The following USP22 variants were observed in gnomAD, a reference collection of about 807,000 sequenced individuals.
The protein encoded by USP22 is ubiquitin carboxyl-terminal hydrolase 22.
A neutral mutation model predicts 68.1 loss-of-function variants in USP22; 22 were observed. The ratio of observed to expected loss-of-function variants is 0.32; its 90% CI spans 0.23 to 0.46. The LOEUF (loss-of-function observed/expected upper bound fraction) is 0.46, where lower values mean the gene tolerates loss of function less well. USP22 is among the 20% of genes least tolerant of loss of function. The probability of loss-of-function intolerance (pLI) is 1.00; values close to 1 mark genes in which losing one functional copy is unlikely to be tolerated. For synonymous variants in USP22, 279 were observed against 274.2 expected, an observed-to-expected ratio of 1.02 and a Z score of -0.17; for missense variants, 433 against 695.8, an observed-to-expected ratio of 0.62 and a Z score of 4.25.
At chr17:21,019,722 A>G (rs1972130672) in intron 3 of USP22, among the ~76,000 whole-genome samples, 1 of 152,270 alleles carries the variant, frequency 6.6e-6, no homozygotes, top group Non-Finnish European at 1.5e-5. Flanking sequence ...CGCACACCCT[A>G]TGCGCTCAGA....
intron 3 of USP22, among the ~76,000 whole-genome samples, 155 bp from the exon 4 acceptor site, chr17:21,019,340 A>G (rs1453483747): frequency 2.0e-5 from 3 of 152,240 alleles, no homozygotes; most frequent in Non-Finnish European, 4.4e-5. Context: ...TACTGTGCTG[A>G]GAGGGGCTAC....
Position 21,042,665 on chromosome 17 carries a change from C to G in USP22, c.171G>C (p.Lys57Asn). The change falls in exon 1 of 13, where the codon AAG (lysine) becomes AAC (asparagine). Residue 57 changes from lysine to asparagine, a missense_variant and splice_region_variant. Coordinates refer to ENST00000261497, the MANE Select transcript of USP22 (RefSeq NM_015276.2). ...WSGTAEARKR[K>N]AKSCICHVCG... is the part of the protein sequence containing the mutation. ...CCGCGCGGTGGGCTGCCGGGCGCAC[C>G]TTGCGCTTGCGGGCCTCAGCCGTGC... 7.8e-7 allele frequency: 1 copy of G among 1,277,136 alleles called. No homozygotes were observed. The highest frequency in any genetic ancestry group is 9.9e-7 in the Non-Finnish European group (1 of 1,006,572). The allele number at this position is 1,277,136 out of a possible 1,614,324, so 79.1% of individuals were successfully genotyped here.
chr17:21,035,465 C>T (rs1449052565), intron 1 of USP22, among the ~76,000 whole-genome samples: 1 of 151,414 alleles, frequency 6.6e-6, no homozygotes, highest in African/African-American at 2.4e-5. Flanking sequence ...GTGCTAAATA[C>T]AGGAAAAGCC....
intron 12 of USP22, among the ~76,000 whole-genome samples, chr17:21,003,842 G>A (rs1313959017): frequency 6.6e-6 from 1 of 150,412 alleles, no homozygotes; most frequent in Non-Finnish European, 1.5e-5. Context: ...AGAGGGTGCA[G>A]TGAGCTGAGA....
At chr17:21,017,811 A>C in intron 5 of USP22, 131 bp downstream of exon 5, 1 of 1,157,818 alleles carries the variant, frequency 8.6e-7, no homozygotes, top group Non-Finnish European at 1.2e-6. Context: ...ATAGACATGT[A>C]TATTAAACAT....
At chr17:21,043,402 T>G (rs1011883291), upstream of USP22, 1 of 325,630 alleles carries the variant, frequency 3.1e-6, no homozygotes, top group Non-Finnish European at 5.5e-6. Context: ...AGACGTTCCC[T>G]GTCTCTTCCA....
chr17:21,014,644 C>T (rs141966157), intron 6 of USP22, among the ~76,000 whole-genome samples: 2 of 152,282 alleles, frequency 1.3e-5, no homozygotes, highest in East Asian at 3.9e-4. Flanking sequence ...ACGTAAGCGC[C>T]TAGGGCCCGG....
chr17:21,026,463 A>C, intron 2 of USP22, among the ~76,000 whole-genome samples: 1 of 151,996 alleles, frequency 6.6e-6, no homozygotes, highest in South Asian at 2.1e-4. Flanking sequence ...AGCTGGGACC[A>C]CAGGCACACA....
intron 1 of USP22, 85 bp from the exon 2 acceptor site, chr17:21,028,759 G>A (rs1567591692): frequency 1.5e-5 from 23 of 1,487,310 alleles, no homozygotes; most frequent in Middle Eastern, 1.8e-4. Context: ...GCATCCCCCC[G>A]AGACAGCTAC....
chr17:21,003,221 G>A (rs968784606), intron 12 of USP22, 148 bp from the exon 13 acceptor site: 2 of 890,052 alleles, frequency 2.2e-6, no homozygotes, highest in Non-Finnish European at 3.6e-6. Flanking sequence ...TAGTCCGCAA[G>A]GAGGAAAGAG....
At chr17:21,027,849 A>C (rs1199835301) in intron 2 of USP22, among the ~76,000 whole-genome samples, 2 of 152,110 alleles carry the variant, frequency 1.3e-5, no homozygotes, top group South Asian at 2.1e-4. Context: ...AGGCACCTGT[A>C]ATCTGTTACA....
Position 21,003,059 on chromosome 17 carries a change from T to C in USP22, c.1550A>G (p.Tyr517Cys). The change falls in exon 13 of 13, where the codon TAT (tyrosine) becomes TGT (cysteine). Residue 517 changes from tyrosine to cysteine, a missense_variant. By Grantham distance (194) the Tyr-to-Cys change is radical. Transcript: ENST00000261497. ...VLDSEGYLLF[Y>C]HKQFLEYE is the part of the protein sequence containing the mutation. ...CTCGTATTCCAGGAACTGTTTGTGA[T>C]AGAACAGCAAGTACCTGTGGAGGCA... 1.2e-6 allele frequency: 2 copies of C among 1,613,984 alleles called. No homozygotes were observed. The highest frequency in any genetic ancestry group is 1.7e-6 in the Non-Finnish European group (2 of 1,179,930).
intron 1 of USP22, among the ~76,000 whole-genome samples, chr17:21,039,707 CA>C: frequency 6.6e-6 from 1 of 152,280 alleles, no homozygotes; most frequent in Admixed American, 6.5e-5. Flanking sequence ...CCTTAGATAA[CA>C]AAACTCGTAA....
chr17:21,011,384 C>T lies in USP22; in HGVS notation c.945-75G>A, dbSNP rs1037638623. On this transcript the variant is annotated intron_variant, in intron 7 of 12. Transcript: ENST00000261497. ...TCCAGAGGCAACCCGGGGTGGAAGC[C>T]GTTCCCACATCCCTTCCCCGCTGTG... 5.3e-6 allele frequency: 8 copies of T among 1,522,770 alleles called. No individual in the cohort carries two copies. In the African/African-American group the frequency reaches 9.7e-5, roughly 18 times the overall value. 94.3% of individuals were successfully genotyped at this position (1,522,770 alleles called of 1,614,324 possible).
intron 8 of USP22, among the ~76,000 whole-genome samples, chr17:21,009,854 T>C (rs1213421179): frequency 1.3e-5 from 2 of 148,444 alleles, no homozygotes; most frequent in East Asian, 2.0e-4. Flanking sequence ...ACTCGGGAGG[T>C]TGAGGCCGGA....
intron 1 of USP22, among the ~76,000 whole-genome samples, chr17:21,032,701 G>A (rs1478283666): frequency 6.6e-6 from 1 of 152,122 alleles, no homozygotes; most frequent in Non-Finnish European, 1.5e-5. Flanking sequence ...CACTTTGGGA[G>A]GCCGAGGTGG....
At chr17:21,034,729 T>C (rs1284360483) in intron 1 of USP22, among the ~76,000 whole-genome samples, 1 of 152,192 alleles carries the variant, frequency 6.6e-6, no homozygotes, top group Admixed American at 6.5e-5. Context: ...TTTATTTGGC[T>C]TAATATGGCC....
chr17:21,041,674 T>C lies in USP22; in HGVS notation c.171+991A>G, dbSNP rs577126566. 2.2e-4 allele frequency among the ~76,000 whole-genome samples: 34 copies of C among 151,942 alleles called. No individual in the cohort carries two copies. In the Middle Eastern group the frequency reaches 0.01, roughly 46 times the overall value. On this transcript the variant is annotated intron_variant, in intron 1 of 12. Transcript: ENST00000261497. ...GCGAGCCTGTTGGTATTCCCATAAA[T>C]AAAAAAATGCCACTCAAGGTGGAAA...
chr17:21,036,749 T>C (rs772273102), intron 1 of USP22, among the ~76,000 whole-genome samples: 10 of 152,186 alleles, frequency 6.6e-5, no homozygotes, highest in African/African-American at 1.2e-4. Context: ...TAGAGCTTAA[T>C]AGGGATGCTG....
Sources: gnomAD v4.1 joint callset for allele counts (sites outside exome capture counted in the v4.1 genomes callset) on GRCh38, gnomAD v4.1.1 for gene constraint, MANE v1.5 for transcripts, NCBI Gene and HGNC (gene_info 2026-07-23, HGNC 2026-07-21) for gene names.